The following ATG7 variants were observed in gnomAD, a reference collection of about 807,000 sequenced individuals.
ATG7 encodes ubiquitin-like modifier-activating enzyme ATG7.
A neutral mutation model predicts 82.4 loss-of-function variants in ATG7; 70 were observed. The observed-to-expected ratio is 0.85, with a 90% confidence interval of 0.70 to 1.04. The LOEUF (loss-of-function observed/expected upper bound fraction) is 1.04. Ranked by LOEUF, ATG7 falls within the 50% of genes least tolerant of loss-of-function variation. ATG7 has a pLI of 0.00. For missense variants in ATG7, 792 were observed against 864.3 expected, an observed-to-expected ratio of 0.92 and a Z score of 1.05; for synonymous variants, 287 against 313.0, an observed-to-expected ratio of 0.92 and a Z score of 0.88.
intron 13 of ATG7, among the ~76,000 whole-genome samples, chr3:11,343,933 T>G (rs866333622): frequency 2.0e-5 from 3 of 152,204 alleles, no homozygotes; most frequent in African/African-American, 7.2e-5. Context: ...ACATTAATCC[T>G]TAGTTCTGGG....
At chr3:11,565,735 C>T in the ATG7 span, among the ~76,000 whole-genome samples, 1 of 152,160 alleles carries the variant, frequency 6.6e-6, no homozygotes, top group Non-Finnish European at 1.5e-5. This position sits in a 1 kb window ranked among gnomAD's most constrained non-coding sequence, Gnocchi z 4.1. Flanking sequence ...AGCACCCAGG[C>T]GATGCCACGT....
chr3:11,480,444 G>A (rs760129373), intron 20 of ATG7, among the ~76,000 whole-genome samples: 2 of 152,146 alleles, frequency 1.3e-5, no homozygotes, highest in Non-Finnish European at 2.9e-5. Flanking sequence ...GGCTGAGGTG[G>A]GAGGATTGCT....
intron 20 of ATG7, chr3:11,446,390 A>G: frequency 3.3e-6 from 1 of 301,296 alleles, no homozygotes; most frequent in South Asian, 2.7e-5. Flanking sequence ...CTTTATTTGT[A>G]AGACTATAAT....
intron 20 of ATG7, among the ~76,000 whole-genome samples, chr3:11,470,230 A>AT (rs906205677): frequency 1.1e-4 from 17 of 152,198 alleles, no homozygotes; most frequent in African/African-American, 3.6e-4. Flanking sequence ...TCACTTAACG[A>AT]TGGGGATGCA....
intron 6 of ATG7, among the ~76,000 whole-genome samples, chr3:11,307,995 A>C (rs950054216): frequency 6.6e-6 from 1 of 152,150 alleles, no homozygotes; most frequent in African/African-American, 2.4e-5. Flanking sequence ...GTCAGGCCTT[A>C]ATCATCTTGG....
intron 20 of ATG7, among the ~76,000 whole-genome samples, chr3:11,494,334 C>A (rs1434375670): frequency 6.6e-6 from 1 of 152,172 alleles, no homozygotes; most frequent in Non-Finnish European, 1.5e-5. Context: ...TCTGGTGTCT[C>A]ATTGTCCAGC....
chr3:11,486,835 T>A (rs2089723132), intron 20 of ATG7, among the ~76,000 whole-genome samples: 1 of 143,240 alleles, frequency 7.0e-6, no homozygotes, highest in Non-Finnish European at 1.5e-5. Context: ...TTTTTTTTTT[T>A]TTTTTAATTT....
In ATG7 at chr3:11,340,664, A is replaced by G. The variant is rs1446543398; in HGVS notation, c.909A>G (p.Gly303=). 1 of 1,613,682 alleles carries G rather than the reference A, an allele frequency of 6.2e-7. No individual in the cohort carries two copies. Residue 303 remains glycine, a synonymous_variant, in exon 12 of 21, where the codon GGA becomes GGG. Transcript: ENST00000693202. ...CTTAAGATTGTCCTAAAGCAGTTGG[A>G]TGGGAAAAGAACCAGAAAGGAGGCA... is the stretch of plus-strand genomic sequence containing the variant. ...AFSPDCPKAV[G]WEKNQKGGMG...
chr3:11,323,592 G>A (rs911757205), intron 9 of ATG7, among the ~76,000 whole-genome samples: 5 of 152,206 alleles, frequency 3.3e-5, no homozygotes, highest in African/African-American at 1.2e-4. Flanking sequence ...TTTTGGGGAA[G>A]GTTACTTGAC....
chr3:11,513,285 G>A (rs750735888), intron 20 of ATG7, among the ~76,000 whole-genome samples: 9 of 152,244 alleles, frequency 5.9e-5, no homozygotes, highest in Admixed American at 2.6e-4. Context: ...ACTGGGCGCC[G>A]TGGAGCAGGG....
chr3:11,358,267 A>G, intron 14 of ATG7, 151 bp from the exon 15 acceptor site: 2 of 756,738 alleles, frequency 2.6e-6, no homozygotes, highest in Non-Finnish European at 4.3e-6. Context: ...TGAAGAAGAG[A>G]GAGGGCGTGG....
intron 16 of ATG7, among the ~76,000 whole-genome samples, chr3:11,362,340 A>T (rs533260463): frequency 6.3e-4 from 96 of 152,194 alleles, no homozygotes; most frequent in Non-Finnish European, 1.3e-3. Context: ...GGCACATAGG[A>T]ACTGAGGGCC....
intron 11 of ATG7, among the ~76,000 whole-genome samples, chr3:11,335,823 G>A (rs560147684): frequency 4.6e-5 from 7 of 152,010 alleles, no homozygotes; most frequent in East Asian, 1.9e-4. Flanking sequence ...TCAGCCTCCC[G>A]AGTGGCTGGG....
At chr3:11,314,385 A>G (rs1949096534) in intron 8 of ATG7, among the ~76,000 whole-genome samples, 1 of 146,362 alleles carries the variant, frequency 6.8e-6, no homozygotes, top group South Asian at 2.3e-4. Context: ...GGAGCTGTTC[A>G]GGGAGCAGCC....
chr3:11,562,694 GAA>G, the ATG7 span, among the ~76,000 whole-genome samples: 1 of 152,218 alleles, frequency 6.6e-6, no homozygotes, highest in Non-Finnish European at 1.5e-5. Flanking sequence ...GTTACGACAT[GAA>G]TGACATGTGC....
At chr3:11,466,782 A>G (rs1255177296) in intron 20 of ATG7, among the ~76,000 whole-genome samples, 3 of 152,176 alleles carry the variant, frequency 2.0e-5, no homozygotes, top group Non-Finnish European at 2.9e-5. Context: ...TAGTACACTC[A>G]TTTGTGTTCA....
chr3:11,490,990 C>G (rs1316077310), intron 20 of ATG7, among the ~76,000 whole-genome samples: 3 of 152,138 alleles, frequency 2.0e-5, no homozygotes, highest in Non-Finnish European at 4.4e-5. Flanking sequence ...GTGGTGTTCT[C>G]TGTATTTCCT....
intron 20 of ATG7, among the ~76,000 whole-genome samples, chr3:11,435,882 A>G (rs186434735): frequency 6.6e-6 from 1 of 152,352 alleles, no homozygotes; most frequent in African/African-American, 2.4e-5. Context: ...GGGCCACAGT[A>G]TAAGAGAGAA....
intron 20 of ATG7, among the ~76,000 whole-genome samples, chr3:11,542,115 G>A (rs566471564): frequency 5.9e-5 from 9 of 152,336 alleles, no homozygotes; most frequent in Admixed American, 4.6e-4. Flanking sequence ...AGCCATTCGC[G>A]TCAGCGACAG....
Sources: gnomAD v4.1 joint callset for allele counts (sites outside exome capture counted in the v4.1 genomes callset) on GRCh38, gnomAD v4.1.1 for gene constraint, Gnocchi (gnomAD v3.1) non-coding constraint, MANE v1.5 for transcripts, NCBI Gene and HGNC (gene_info 2026-07-23, HGNC 2026-07-21) for gene names.